TTLL11: variants seen among roughly 807,000 people sequenced by gnomAD.
TTLL11 encodes tubulin tyrosine ligase like 11, also known as tubulin polyglutamylase TTLL11.
Under a neutral mutation model 51.7 loss-of-function variants are expected in TTLL11, and 42 were observed. The ratio of observed to expected loss-of-function variants is 0.81; its 90% confidence interval spans 0.64 to 1.05. The LOEUF is 1.05. Ranked by LOEUF, TTLL11 falls within the 50% of genes least tolerant of loss-of-function variation. The probability of loss-of-function intolerance (pLI) is 0.00; values close to 1 mark genes in which losing one functional copy is unlikely to be tolerated. For missense variants in TTLL11, 799 were observed against 940.4 expected (o/e 0.85, Z 1.97); for synonymous variants, 381 against 383.5 (o/e 0.99, Z 0.08).
At chr9:121,971,552 A>G (rs1315698074) in intron 6 of TTLL11, among the ~76,000 whole-genome samples, 8 of 130,642 alleles carry the variant, frequency 6.1e-5, no homozygotes, top group Non-Finnish European at 1.2e-4. Flanking sequence ...CCCGGCCACC[A>G]CCCCGTCTGG....
intron 6 of TTLL11, among the ~76,000 whole-genome samples, chr9:121,950,710 T>C (rs1841825516): frequency 6.6e-6 from 1 of 151,926 alleles, no homozygotes; most frequent in Non-Finnish European, 1.5e-5. Flanking sequence ...GGGCTGCTGG[T>C]TAGTGCCGAA....
At chr9:121,880,094 A>C (rs1399234304) in intron 6 of TTLL11, among the ~76,000 whole-genome samples, 1 of 152,250 alleles carries the variant, frequency 6.6e-6, no homozygotes, top group Non-Finnish European at 1.5e-5. Context: ...CCTTGGCAGA[A>C]AGGGAGGAGA....
chr9:121,903,790 C>T (rs1053953327), intron 6 of TTLL11, among the ~76,000 whole-genome samples: 34 of 152,080 alleles, frequency 2.2e-4, no homozygotes, highest in Admixed American at 1.5e-3. Flanking sequence ...GTCTATACTT[C>T]GTGAATCTGT....
chr9:121,914,914 C>T (rs983287950), intron 6 of TTLL11, among the ~76,000 whole-genome samples: 1 of 152,180 alleles, frequency 6.6e-6, no homozygotes, highest in Non-Finnish European at 1.5e-5. Flanking sequence ...CCTGCTTGTG[C>T]CAAGTGTGGC....
At chr9:121,898,622 G>A (rs574936245) in intron 6 of TTLL11, among the ~76,000 whole-genome samples, 35 of 152,248 alleles carry the variant, frequency 2.3e-4, no homozygotes, top group Non-Finnish European at 4.3e-4. Flanking sequence ...CTTGATGGCC[G>A]TGTGTCCACC....
At position 122,006,981 on chromosome 9, in the gene TTLL11, C is replaced by CAAA. The variant is rs71371911; in HGVS notation, c.694-17214_694-17212dup. On this transcript the variant is annotated intron_variant, in intron 3 of 8. Transcript: ENST00000321582. ...TCGGTGGCAGAGCGAGATACTCTGT[C>CAAA]AAAAAAAAAAAAAAAAAAAAAAAAA... 5.9e-3 allele frequency among the ~76,000 whole-genome samples: 257 copies of CAAA among 43,436 alleles called. 12 individuals are homozygous for CAAA. The highest frequency in any genetic ancestry group is 0.014 in the African/African-American group (203 of 14,068). 28.5% of individuals were successfully genotyped at this position (43,436 alleles called of 152,430 possible).
At chr9:122,008,747 G>C (rs1843721645) in intron 3 of TTLL11, among the ~76,000 whole-genome samples, 1 of 152,240 alleles carries the variant, frequency 6.6e-6, no homozygotes, top group South Asian at 2.1e-4. Flanking sequence ...CCGCACTCCC[G>C]TGCTTATTGC....
intron 1 of TTLL11, among the ~76,000 whole-genome samples, chr9:122,071,764 C>A (rs79110765): frequency 0.034 from 5,230 of 152,234 alleles, 145 homozygotes; most frequent in South Asian, 0.055. Flanking sequence ...CAGAGGGTTG[C>A]GGGAGACTCA....
intron 6 of TTLL11, among the ~76,000 whole-genome samples, chr9:121,945,674 T>C (rs1293299658): frequency 6.6e-6 from 1 of 152,204 alleles, no homozygotes; most frequent in Non-Finnish European, 1.5e-5. Flanking sequence ...CTTACAATTT[T>C]CCAAACTCAC....
chr9:121,862,452 C>T (rs1838041085), intron 7 of TTLL11, among the ~76,000 whole-genome samples: 1 of 152,170 alleles, frequency 6.6e-6, no homozygotes, highest in African/African-American at 2.4e-5. Flanking sequence ...GTTCCCTTCC[C>T]CAACTCTCTC....
rs1425521148 is a variant in TTLL11, at chr9:121,981,306, CTGA to C, written c.1270-6330_1270-6328del. Among the ~76,000 whole-genome samples, 14 of 152,180 alleles carry C rather than the reference CTGA, an allele frequency of 9.2e-5. No individual in the cohort carries two copies. The East Asian group carries it at 2.7e-3, about 29-fold the overall frequency. On this transcript the variant is annotated intron_variant, in intron 4 of 8. Transcript: ENST00000321582. ...TTCTATTGCTACGTCTTCAAGTTCA[CTGA>C]TGATTTCTTCTTCAGTGTCTAATTT...
chr9:121,847,103 G>A (rs542862761), intron 8 of TTLL11, among the ~76,000 whole-genome samples: 3 of 151,922 alleles, frequency 2.0e-5, no homozygotes, highest in African/African-American at 4.8e-5. Flanking sequence ...CCAGCTACTC[G>A]GGAGGCTGAG....
At position 121,941,883 on chromosome 9, in the gene TTLL11, C is replaced by T. The variant is rs149203534; in HGVS notation, c.1481+32126G>A. 1.7e-3 allele frequency among the ~76,000 whole-genome samples: 256 copies of T among 152,210 alleles called. 1 individual carries two copies. Among genetic ancestry groups the T allele is most frequent in the African/African-American group, 5.6e-3 (233 of 41,518 alleles). On this transcript the variant is annotated intron_variant, in intron 6 of 8. Transcript: ENST00000321582. ...TCTCTCCCTCTTCTCCCTCATTGTA[C>T]CCAGCAGGAATCCTGCCACCCCTGC...
intron 7 of TTLL11, among the ~76,000 whole-genome samples, chr9:121,862,661 A>G (rs1838047475): frequency 6.6e-6 from 1 of 152,222 alleles, no homozygotes; most frequent in Non-Finnish European, 1.5e-5. Context: ...TGTCCTGGAC[A>G]GGATCGTGCT....
intron 6 of TTLL11, among the ~76,000 whole-genome samples, chr9:121,879,917 GC>G (rs1838717231): frequency 1.3e-5 from 2 of 152,068 alleles, no homozygotes; most frequent in Non-Finnish European, 1.5e-5. Flanking sequence ...TGAGCCGTGA[GC>G]TGTGCCACTG....
At chr9:121,836,315 G>A (rs918293692) in intron 8 of TTLL11, among the ~76,000 whole-genome samples, 5 of 152,144 alleles carry the variant, frequency 3.3e-5, no homozygotes, top group Admixed American at 3.3e-4. Flanking sequence ...CATGATTTCT[G>A]GTCCTGTCGC....
intron 6 of TTLL11, among the ~76,000 whole-genome samples, chr9:121,899,378 C>CATATATATATATATATATAT (rs747040027): frequency 3.1e-4 from 41 of 130,422 alleles, no homozygotes; most frequent in Non-Finnish European, 4.8e-4. Flanking sequence ...TATATATATA[C>CATATATATATATATATATAT]ATATATATAT....
At chr9:122,013,532 A>G (rs1843878059) in intron 3 of TTLL11, among the ~76,000 whole-genome samples, 1 of 152,206 alleles carries the variant, frequency 6.6e-6, no homozygotes, top group Non-Finnish European at 1.5e-5. Context: ...GATAGATATG[A>G]ATCTTTCTGA....
chr9:122,042,099 T>C (rs966689177), intron 1 of TTLL11, among the ~76,000 whole-genome samples: 2 of 150,456 alleles, frequency 1.3e-5, no homozygotes, highest in Non-Finnish European at 3.0e-5. Flanking sequence ...AACCTCTGCC[T>C]CCTGGATCAA....
Sources: allele counts gnomAD v4.1 joint callset (sites outside exome capture counted in the v4.1 genomes callset), GRCh38; gene constraint gnomAD v4.1.1; transcripts MANE v1.5; gene names NCBI Gene and HGNC (gene_info 2026-07-23, HGNC 2026-07-21).